The following HOMER2 variants were observed in gnomAD, a reference collection of about 807,000 sequenced individuals.
HOMER2 encodes homer protein homolog 2.
A neutral mutation model predicts 47.0 loss-of-function variants in HOMER2; 27 were observed. The observed-to-expected ratio is 0.57, with a 90% CI of 0.42 to 0.79. HOMER2 has a LOEUF of 0.79. HOMER2 is among the 30% of genes least tolerant of loss of function. HOMER2 has a pLI of 0.00. For missense variants in HOMER2, 443 were observed against 435.0 expected (o/e 1.02, Z -0.16); for synonymous variants, 161 against 163.8 (o/e 0.98, Z 0.13).
intron 1 of HOMER2, among the ~76,000 whole-genome samples, chr15:82,943,453 T>TGGGA (rs1485216603): frequency 2.6e-5 from 4 of 152,230 alleles, no homozygotes; most frequent in Non-Finnish European, 4.4e-5. Context: ...CCACCTCCAC[T>TGGGA]GGGAGCTCCT....
intron 1 of HOMER2, among the ~76,000 whole-genome samples, chr15:82,897,575 G>A (rs11856497): frequency 0.045 from 6,852 of 152,228 alleles, 500 homozygotes; most frequent in African/African-American, 0.15. Context: ...TATGGCAAAG[G>A]TGATGGGATG....
At chr15:82,876,635 A>G (rs541010127) in intron 2 of HOMER2, among the ~76,000 whole-genome samples, 121 of 152,362 alleles carry the variant, frequency 7.9e-4, no homozygotes, top group Non-Finnish European at 1.5e-3. Context: ...GATGATCTGA[A>G]CAGGGAATAA....
chr15:82,849,659 T>C lies in HOMER2; in HGVS notation c.*56A>G. 6.7e-7 allele frequency: 1 copy of C among 1,489,724 alleles called. No individual in the cohort carries two copies. The highest frequency in any genetic ancestry group is 9.2e-7 in the Non-Finnish European group (1 of 1,089,470). The allele number at this position is 1,489,724 out of a possible 1,614,324, so 92.3% of individuals were successfully genotyped here. A position where few individuals can be genotyped will look rare whatever the true frequency, so the allele number is the denominator to read the frequency against. Reference sequence around the variant, plus strand: ...CACACAGAAGAACGTCCTAGAGCTATCTGGTCTCGCACACACGCTTGGGAC... The same window carrying C: ...CACACAGAAGAACGTCCTAGAGCTACCTGGTCTCGCACACACGCTTGGGAC... On this transcript the variant is annotated 3_prime_UTR_variant, in exon 9 of 9. Transcript: ENST00000450735.
chr15:82,955,835 G>C (rs1462575805), upstream of HOMER2, among the ~76,000 whole-genome samples: 1 of 152,146 alleles, frequency 6.6e-6, no homozygotes, highest in Non-Finnish European at 1.5e-5. Flanking sequence ...TTGTGTGAAT[G>C]GTATTAATCA....
At chr15:82,940,365 A>T (rs979967305) in intron 1 of HOMER2, among the ~76,000 whole-genome samples, 3 of 152,176 alleles carry the variant, frequency 2.0e-5, no homozygotes, top group African/African-American at 7.2e-5. Context: ...TATATGAAAG[A>T]CCTGCAAGGC....
At position 82,973,151 on chromosome 15, in the gene HOMER2, AC is replaced by A. The variant is rs1187734227; in HGVS notation, n.82+12635del. ...CAGTGTCTAATATGAAAGCAAACAG[AC>A]CTTGCTTCAATCAAAACCACAAAAC... On this transcript the variant is annotated intron_variant and non_coding_transcript_variant, in intron 1 of 1. Coordinates refer to the HOMER2 transcript ENST00000500334. Among the ~76,000 whole-genome samples the A allele has an allele frequency of 1.3e-5, 2 of 152,142 alleles. 1 individual carries two copies. The highest frequency in any genetic ancestry group is 2.9e-5 in the Non-Finnish European group (2 of 68,030).
intron 1 of HOMER2, among the ~76,000 whole-genome samples, chr15:82,971,064 C>T (rs575077564): frequency 1.3e-5 from 2 of 152,284 alleles, no homozygotes; most frequent in Admixed American, 1.3e-4. Context: ...GAAAACAGTC[C>T]ATTCAAAGGG....
intron 6 of HOMER2, 51 bp downstream of exon 6, chr15:82,854,593 C>T (rs1288247001): frequency 1.2e-5 from 18 of 1,564,126 alleles, no homozygotes; most frequent in South Asian, 1.2e-5. Flanking sequence ...CCCCCATCTC[C>T]CACTGCCCAC....
chr15:82,855,325 CAAAAAAAAAAAAAA>C (rs1162254209), intron 5 of HOMER2, among the ~76,000 whole-genome samples: 2 of 61,518 alleles, frequency 3.3e-5, no homozygotes, highest in African/African-American at 7.3e-5. Flanking sequence ...ACTCCATCTC[CAAAAAAAAAAAAAA>C]AAAAAAAAAA....
chr15:82,976,683 T>TG, intron 1 of HOMER2, among the ~76,000 whole-genome samples: 1 of 149,914 alleles, frequency 6.7e-6, no homozygotes, highest in East Asian at 2.0e-4. Context: ...GTGTGGTTTT[T>TG]TTTTTTTTTT....
Position 82,983,286 on chromosome 15 carries a change from C to T in HOMER2, n.82+2501G>A, listed in dbSNP as rs184059840. ...TGGTACCATTGTAAAGTACAACAAT[C>T]GTTAAGTCAAACAGTCCTGTCGGGG... On this transcript the variant is annotated intron_variant and non_coding_transcript_variant, in intron 1 of 1. Transcript: ENST00000500334. Among the ~76,000 whole-genome samples the T allele has an allele frequency of 5.3e-5, 8 of 152,312 alleles. No individual in the cohort carries two copies. In the East Asian group the frequency reaches 5.8e-4, roughly 11 times the overall value.
At chr15:82,956,187 C>G (rs895204098), upstream of HOMER2, among the ~76,000 whole-genome samples, 1 of 148,462 alleles carries the variant, frequency 6.7e-6, no homozygotes, top group Non-Finnish European at 1.5e-5. Context: ...TTGCAGTGAG[C>G]TGAGATTGCA....
At chr15:82,846,369 A>G (rs2051247741), downstream of HOMER2, 2 of 152,242 alleles carry the variant, frequency 1.3e-5, no homozygotes, top group African/African-American at 4.8e-5. Context: ...GGAACTTATC[A>G]TTTATAACAA....
downstream of HOMER2, among the ~76,000 whole-genome samples, chr15:82,848,613 C>A (rs1260724109): frequency 6.6e-6 from 1 of 152,216 alleles, no homozygotes; most frequent in East Asian, 1.9e-4. Flanking sequence ...CTGCTCTCTC[C>A]CCCCGAAATG....
intron 1 of HOMER2, among the ~76,000 whole-genome samples, chr15:82,900,658 G>A (rs572201212): frequency 6.6e-6 from 1 of 152,104 alleles, no homozygotes; most frequent in African/African-American, 2.4e-5. Context: ...GAAGCCTAAA[G>A]AAGTGAGTGC....
intron 1 of HOMER2, among the ~76,000 whole-genome samples, chr15:82,971,042 T>C (rs2029968662): frequency 6.6e-6 from 1 of 152,178 alleles, no homozygotes; most frequent in African/African-American, 2.4e-5. Context: ...CTCCCTGAAT[T>C]ATTGATGGGA....
chr15:82,949,000 T>C (rs1371685026), intron 1 of HOMER2, among the ~76,000 whole-genome samples: 1 of 152,024 alleles, frequency 6.6e-6, no homozygotes, highest in African/African-American at 2.4e-5. Context: ...GTGAGGTGAA[T>C]GCACTCCAGA....
At chr15:82,982,137 A>G (rs1162328340) in intron 1 of HOMER2, among the ~76,000 whole-genome samples, 1 of 152,216 alleles carries the variant, frequency 6.6e-6, no homozygotes, top group Non-Finnish European at 1.5e-5. Flanking sequence ...GCCCAAGGAT[A>G]TTACTATCCA....
chr15:82,846,465 C>T (rs2051248929), downstream of HOMER2: 1 of 152,180 alleles, frequency 6.6e-6, no homozygotes, highest in Non-Finnish European at 1.5e-5. Context: ...TTGTAATATG[C>T]TCTTATCAGG....
Sources: allele counts gnomAD v4.1 joint callset (sites outside exome capture counted in the v4.1 genomes callset), GRCh38; gene constraint gnomAD v4.1.1; transcripts MANE v1.5; gene names NCBI Gene and HGNC (gene_info 2026-07-23, HGNC 2026-07-21).